The following NRXN3 variants were observed in gnomAD, a reference collection of about 807,000 sequenced individuals.
The protein encoded by NRXN3 is neurexin III.
A neutral mutation model predicts 137.6 loss-of-function variants in NRXN3; 32 were observed. That is an observed-to-expected ratio of 0.23 (90% CI 0.18 to 0.31). NRXN3 has a LOEUF of 0.31. NRXN3 is among the 10% of genes least tolerant of loss of function. The probability of loss-of-function intolerance (pLI) is 1.00; values close to 1 mark genes in which losing one functional copy is unlikely to be tolerated. For synonymous variants in NRXN3, 798 were observed against 784.5 expected (o/e 1.02, Z -0.29); for missense variants, 1,574 against 2,062.5 (o/e 0.76, Z 4.59).
intron 4 of NRXN3, among the ~76,000 whole-genome samples, chr14:78,363,346 A>T (rs1250925552): frequency 6.6e-6 from 1 of 152,224 alleles, no homozygotes; most frequent in African/African-American, 2.4e-5. Context: ...CCTTTTAAAG[A>T]TGGGCTAAGC....
At chr14:78,355,721 A>G (rs2084196682) in intron 4 of NRXN3, among the ~76,000 whole-genome samples, 1 of 152,192 alleles carries the variant, frequency 6.6e-6, no homozygotes, top group Non-Finnish European at 1.5e-5. Flanking sequence ...CGCCCTGCCA[A>G]CAGAGCCTTT....
chr14:78,452,746 G>A (rs2094580749), intron 4 of NRXN3, among the ~76,000 whole-genome samples: 1 of 152,184 alleles, frequency 6.6e-6, no homozygotes. Flanking sequence ...GGCAGTTGCA[G>A]CTTAAGCACT....
At chr14:78,240,312 G>A (rs1361048358) in intron 1 of NRXN3, among the ~76,000 whole-genome samples, 1 of 152,186 alleles carries the variant, frequency 6.6e-6, no homozygotes. Flanking sequence ...GCACTTGAAT[G>A]TGTGTGTCCT....
At chr14:79,445,048 A>G (rs2096036480) in intron 15 of NRXN3, among the ~76,000 whole-genome samples, 1 of 152,236 alleles carries the variant, frequency 6.6e-6, no homozygotes. Context: ...TTTCTTAAAC[A>G]TGTATTCACT....
At chr14:78,326,663 G>A (rs185870949) in intron 4 of NRXN3, among the ~76,000 whole-genome samples, 3 of 152,210 alleles carry the variant, frequency 2.0e-5, no homozygotes, top group South Asian at 2.1e-4. Context: ...AAGATGAAGC[G>A]TGGTGTTCAC....
intron 4 of NRXN3, among the ~76,000 whole-genome samples, chr14:78,621,485 CA>C (rs1204169240): frequency 1.3e-5 from 2 of 152,170 alleles, no homozygotes; most frequent in Non-Finnish European, 2.9e-5. Context: ...ACACTAATTA[CA>C]AATGAATGTC....
chr14:79,707,578 G>T (rs747870069), intron 19 of NRXN3, among the ~76,000 whole-genome samples: 1 of 152,092 alleles, frequency 6.6e-6, no homozygotes. Flanking sequence ...GCTTAAATGG[G>T]TGCGGCTCAA....
intron 10 of NRXN3, among the ~76,000 whole-genome samples, chr14:78,822,545 G>T (rs2098953648): frequency 6.6e-6 from 1 of 151,700 alleles, no homozygotes; most frequent in African/African-American, 2.4e-5. Flanking sequence ...CATGGCTTTG[G>T]ACACCTGCAA....
intron 20 of NRXN3, among the ~76,000 whole-genome samples, chr14:79,845,429 G>A (rs927518442): frequency 8.6e-5 from 13 of 151,874 alleles, no homozygotes; most frequent in African/African-American, 3.2e-4. Context: ...AGTGAGAGGT[G>A]GGTGACTCTT....
chr14:79,394,604 T>G (rs2094958684), intron 15 of NRXN3, among the ~76,000 whole-genome samples: 1 of 152,214 alleles, frequency 6.6e-6, no homozygotes, highest in Non-Finnish European at 1.5e-5. Flanking sequence ...GGAAGCATTT[T>G]AAAACCCTGA....
chr14:78,865,604 C>T (rs957744412), intron 10 of NRXN3, among the ~76,000 whole-genome samples: 2 of 152,144 alleles, frequency 1.3e-5, no homozygotes, highest in Admixed American at 6.5e-5. Context: ...TGGAAGAAAA[C>T]TAGATTTATA....
intron 15 of NRXN3, among the ~76,000 whole-genome samples, chr14:79,002,923 A>T (rs2099544724): frequency 6.6e-6 from 1 of 152,308 alleles, no homozygotes; most frequent in East Asian, 1.9e-4. Context: ...AAACCTAAGT[A>T]GGTTTTGGAG....
chr14:78,599,434 C>G (rs1449515118), intron 4 of NRXN3, among the ~76,000 whole-genome samples: 1 of 152,230 alleles, frequency 6.6e-6, no homozygotes, highest in Non-Finnish European at 1.5e-5. Flanking sequence ...AGTCTTATTT[C>G]TCAGTCTATA....
At chr14:79,843,425 G>A (rs368622883) in intron 20 of NRXN3, among the ~76,000 whole-genome samples, 1 of 152,226 alleles carries the variant, frequency 6.6e-6, no homozygotes, top group Non-Finnish European at 1.5e-5. Flanking sequence ...GCTGCTGACA[G>A]ATCAGGATGT....
chr14:78,335,006 A>C lies in NRXN3; in HGVS notation c.757+37146A>C, dbSNP rs145594627. 1.1e-4 allele frequency among the ~76,000 whole-genome samples: 16 copies of C among 152,276 alleles called. No individual in the cohort carries two copies. The East Asian group carries it at 2.9e-3, about 28-fold the overall frequency. On this transcript the variant is annotated intron_variant, in intron 4 of 20. Transcript: ENST00000335750. The stretch of plus-strand genomic sequence containing the variant: ...GGGGAGGTGGATTGAAGGTGGGTAC[A>C]GGGGATACCCCTCACTTCATAAATG...
At chr14:79,573,257 C>T (rs1246445165) in intron 16 of NRXN3, among the ~76,000 whole-genome samples, 1 of 152,000 alleles carries the variant, frequency 6.6e-6, no homozygotes, top group Non-Finnish European at 1.5e-5. Context: ...TATTCAAGTA[C>T]CTAAACCAAA....
chr14:78,704,240 G>T (rs1194242220), intron 6 of NRXN3, among the ~76,000 whole-genome samples: 4 of 152,170 alleles, frequency 2.6e-5, no homozygotes, highest in African/African-American at 9.7e-5. Flanking sequence ...AATCAAGTGG[G>T]TTGGGCAAGA....
chr14:78,179,842 GT>G (rs796341902), intron 1 of NRXN3, among the ~76,000 whole-genome samples: 10,801 of 108,866 alleles, frequency 0.099, 864 homozygotes, highest in African/African-American at 0.27. Flanking sequence ...CTGTTTTTTT[GT>G]TTTTTTTTTT....
intron 15 of NRXN3, among the ~76,000 whole-genome samples, chr14:79,005,720 G>A (rs945979704): frequency 6.6e-6 from 1 of 151,948 alleles, no homozygotes; most frequent in Non-Finnish European, 1.5e-5. Context: ...TGTTCAATGG[G>A]CCTTGTACTG....
Sources: allele counts gnomAD v4.1 joint callset (sites outside exome capture counted in the v4.1 genomes callset), GRCh38; gene constraint gnomAD v4.1.1; transcripts MANE v1.5; gene names NCBI Gene and HGNC (gene_info 2026-07-23, HGNC 2026-07-21).